COL19A1: variants seen among roughly 807,000 people sequenced by gnomAD.
The protein encoded by COL19A1 is collagen type XIX alpha 1 chain, also known as collagen alpha-1(XIX) chain.
In COL19A1, 159 loss-of-function variants were observed where a neutral mutation model predicts 190.2. The observed-to-expected ratio is 0.84, with a 90% CI of 0.73 to 0.95. The LOEUF (loss-of-function observed/expected upper bound fraction) is 0.95, where lower values mean the gene tolerates loss of function less well. Ranked by LOEUF, COL19A1 falls within the 40% of genes least tolerant of loss-of-function variation. COL19A1 has a pLI of 0.00. For missense variants in COL19A1, 1,418 were observed against 1,431.9 expected, an observed-to-expected ratio of 0.99 and a Z score of 0.16; for synonymous variants, 509 against 458.9, an observed-to-expected ratio of 1.11 and a Z score of -1.39.
chr6:69,866,672 A>C (rs1251267719), intron 1 of COL19A1, 32 bp downstream of exon 1: 1 of 152,312 alleles, frequency 6.6e-6, no homozygotes, highest in Non-Finnish European at 1.5e-5. Flanking sequence ...CCGGCTCTGC[A>C]CTTGCCCTCT....
At chr6:70,097,102 T>A (rs986360840) in intron 15 of COL19A1, among the ~76,000 whole-genome samples, 1 of 152,158 alleles carries the variant, frequency 6.6e-6, no homozygotes, top group Admixed American at 6.5e-5. Flanking sequence ...AGTCTATTAT[T>A]TGTATTCTTC....
At position 70,163,399 on chromosome 6, in the gene COL19A1, A is replaced by T. The variant is rs1787935407; in HGVS notation, c.2400+3A>T. 1.2e-6 allele frequency: 2 copies of T among 1,610,576 alleles called. No homozygotes were observed. The highest frequency in any genetic ancestry group is 2.2e-5 in the South Asian group (2 of 90,640). ...CCACAGGAGCAAAAGGTGAAAAGGT[A>T]CAAAGGAAAAGCCTCACTTACCATC... On this transcript the variant is annotated splice_donor_region_variant and intron_variant, in intron 36 of 50. Coordinates refer to ENST00000620364, the MANE Select transcript of COL19A1 (RefSeq NM_001858.6).
At chr6:70,128,840 T>C (rs1785350128) in intron 17 of COL19A1, among the ~76,000 whole-genome samples, 1 of 152,196 alleles carries the variant, frequency 6.6e-6, no homozygotes, top group African/African-American at 2.4e-5. Context: ...CATATCTTTG[T>C]GACAGGAAGA....
intron 18 of COL19A1, among the ~76,000 whole-genome samples, chr6:70,134,621 T>C (rs72916750): frequency 0.19 from 28,325 of 152,088 alleles, 2,841 homozygotes; most frequent in Non-Finnish European, 0.23. Flanking sequence ...TACTGACAGG[T>C]CTGCAAGTTG....
chr6:70,168,272 C>G (rs1427332470), intron 39 of COL19A1, 57 bp downstream of exon 39: 11 of 1,560,890 alleles, frequency 7.0e-6, no homozygotes, highest in Non-Finnish European at 9.6e-6. Flanking sequence ...CAATGAAAAA[C>G]AAACAATAAA....
At chr6:70,061,751 A>G (rs1381207607) in intron 14 of COL19A1, among the ~76,000 whole-genome samples, 3 of 152,120 alleles carry the variant, frequency 2.0e-5, no homozygotes, top group Non-Finnish European at 2.9e-5. Context: ...CAAAAATGTT[A>G]TATATTAGTT....
At chr6:70,207,077 T>C (rs1767919926) in intron 50 of COL19A1, 70 bp from the exon 51 acceptor site, 1 of 1,603,360 alleles carries the variant, frequency 6.2e-7, no homozygotes, top group South Asian at 1.1e-5. Context: ...GTGATCCATG[T>C]TGGCTAGAGG....
chr6:70,090,574 C>T (rs961975166), intron 15 of COL19A1, among the ~76,000 whole-genome samples: 5 of 152,088 alleles, frequency 3.3e-5, no homozygotes, highest in East Asian at 1.9e-4. Context: ...TACATATAAT[C>T]GACTCTACAC....
chr6:70,146,833 GT>G lies in COL19A1; in HGVS notation c.1839del (p.His614ThrfsTer7). On this transcript the variant is annotated frameshift_variant, in exon 27 of 51. Coordinates refer to ENST00000620364, the MANE Select transcript of COL19A1 (RefSeq NM_001858.6). LOFTEE classifies it high-confidence loss of function. ...ACAGGGTGAAAGAGGACTTCCAGGT[GT>G]TCACGGTTCCCCAGGGGACATAGGC... is the stretch of plus-strand genomic sequence containing the variant. ...GPKGERGLPG[V>X]HGSPGDIGPQ... 6.3e-7 allele frequency: 1 copy of G among 1,598,392 alleles called. No homozygotes were observed.
intron 4 of COL19A1, among the ~76,000 whole-genome samples, chr6:69,919,400 A>T (rs1343382546): frequency 1.3e-5 from 2 of 152,208 alleles, no homozygotes; most frequent in African/African-American, 4.8e-5. Flanking sequence ...AAAGCACTTC[A>T]TAGTTAGGAA....
At chr6:69,906,987 A>T (rs1298453728) in intron 4 of COL19A1, among the ~76,000 whole-genome samples, 3 of 151,950 alleles carry the variant, frequency 2.0e-5, no homozygotes, top group Non-Finnish European at 4.4e-5. Context: ...TATGGACAAA[A>T]CTGTCATATG....
intron 13 of COL19A1, among the ~76,000 whole-genome samples, chr6:70,034,596 A>G (rs1234006662): frequency 3.9e-5 from 6 of 152,176 alleles, no homozygotes; most frequent in Non-Finnish European, 7.4e-5. Context: ...CTGTATTGGA[A>G]AACTTTGCCA....
intron 2 of COL19A1, among the ~76,000 whole-genome samples, chr6:69,885,641 T>G (rs1363177672): frequency 6.6e-6 from 1 of 152,210 alleles, no homozygotes; most frequent in Non-Finnish European, 1.5e-5. Context: ...CCTCCCTACC[T>G]CACACCAGTG....
chr6:70,206,813 A>C (rs1304845787), intron 49 of COL19A1, 88 bp from the exon 50 acceptor site: 2 of 1,102,844 alleles, frequency 1.8e-6, no homozygotes, highest in Non-Finnish European at 1.3e-6. Context: ...TCACATAATT[A>C]TCACAGACTC....
At chr6:69,978,252 T>G (rs935216859) in intron 11 of COL19A1, among the ~76,000 whole-genome samples, 5 of 151,954 alleles carry the variant, frequency 3.3e-5, no homozygotes, top group African/African-American at 9.7e-5. Flanking sequence ...TACATACATA[T>G]ATAGAGAGAG....
Position 70,145,004 on chromosome 6 carries a change from A to G in COL19A1, c.1767A>G (p.Glu589=). 6.3e-7 allele frequency: 1 copy of G among 1,579,620 alleles called. No individual in the cohort carries two copies. The highest frequency in any genetic ancestry group is 1.2e-5 in the South Asian group (1 of 86,736). ...AGPPGKSLPG[E]PGLDGNPGAP... is the part of the protein sequence containing the mutation. ...CTCCAGGGAAAAGCCTGCCAGGGGAACCAGTAAGTATTAGCCCTTTTGTTA... is the reference window on the plus strand; with the variant it reads ...CTCCAGGGAAAAGCCTGCCAGGGGAGCCAGTAAGTATTAGCCCTTTTGTTA... Residue 589 remains glutamate (E), a synonymous_variant, in exon 25 of 51, where the codon GAA becomes GAG. Coordinates refer to ENST00000620364, the MANE Select transcript of COL19A1 (RefSeq NM_001858.6).
intron 11 of COL19A1, among the ~76,000 whole-genome samples, chr6:69,975,751 T>C (rs1482730727): frequency 1.3e-5 from 2 of 152,210 alleles, no homozygotes; most frequent in Non-Finnish European, 2.9e-5. Flanking sequence ...GAGTAGCTAA[T>C]ATAAATATTG....
intron 9 of COL19A1, among the ~76,000 whole-genome samples, chr6:69,942,938 A>G (rs1048136323): frequency 2.0e-5 from 3 of 152,086 alleles, no homozygotes; most frequent in African/African-American, 4.8e-5. Context: ...TCTGGATCAC[A>G]TGGTAGTTCC....
intron 17 of COL19A1, among the ~76,000 whole-genome samples, chr6:70,123,654 G>T (rs9454980): frequency 0.49 from 62,699 of 128,842 alleles, 17,325 homozygotes; most frequent in African/African-American, 0.76. Context: ...TCATGTCCTT[G>T]TTAGGGACAT....
Sources: gnomAD v4.1 joint callset for allele counts (sites outside exome capture counted in the v4.1 genomes callset) on GRCh38, gnomAD v4.1.1 for gene constraint, MANE v1.5 for transcripts, NCBI Gene and HGNC (gene_info 2026-07-23, HGNC 2026-07-21) for gene names.